Variants in ITGB6 observed in about 807,000 individuals in gnomAD.
The protein encoded by ITGB6 is integrin subunit beta 6.
In ITGB6, 80 loss-of-function variants were observed where a neutral mutation model predicts 84.5. The observed-to-expected ratio is 0.95, with a 90% CI of 0.79 to 1.14. ITGB6 has a LOEUF of 1.14. Ranked by LOEUF, ITGB6 falls within the 50% of genes most tolerant of loss-of-function variation. The probability of loss-of-function intolerance (pLI) is 0.00; values close to 1 mark genes in which losing one functional copy is unlikely to be tolerated. For synonymous variants in ITGB6, 383 were observed against 354.9 expected (o/e 1.08, Z -0.89); for missense variants, 1,006 against 968.0 (o/e 1.04, Z -0.52).
intron 12 of ITGB6, 149 bp from the exon 13 acceptor site, chr2:160,112,348 A>C (rs1181821958): frequency 2.5e-5 from 18 of 730,288 alleles, no homozygotes; most frequent in Non-Finnish European, 3.3e-5. Flanking sequence ...TTTTTTTCTC[A>C]TGAAGTGAGG....
intron 12 of ITGB6, among the ~76,000 whole-genome samples, chr2:160,119,928 A>G (rs1040255192): frequency 2.0e-5 from 3 of 152,222 alleles, no homozygotes; most frequent in Non-Finnish European, 1.5e-5. Context: ...GCTCATCATC[A>G]CGGGCCATCA....
At chr2:160,149,951 AG>A (rs1684346353) in intron 7 of ITGB6, among the ~76,000 whole-genome samples, 1 of 152,222 alleles carries the variant, frequency 6.6e-6, no homozygotes, top group South Asian at 2.1e-4. Flanking sequence ...GAAATAGGGA[AG>A]TATGTGAAAA....
chr2:160,178,028 C>G (rs570957423), intron 4 of ITGB6, among the ~76,000 whole-genome samples: 1 of 152,242 alleles, frequency 6.6e-6, no homozygotes, highest in African/African-American at 2.4e-5. Flanking sequence ...GCTCACGCCA[C>G]CATGCCCAGC....
intron 14 of ITGB6, among the ~76,000 whole-genome samples, chr2:160,104,094 C>A (rs1696817031): frequency 6.6e-6 from 1 of 152,098 alleles, no homozygotes; most frequent in South Asian, 2.1e-4. Context: ...TTCAGGTTTG[C>A]AATATTTTGG....
chr2:160,161,778 A>C (rs1199634555), intron 7 of ITGB6, among the ~76,000 whole-genome samples: 1 of 152,162 alleles, frequency 6.6e-6, no homozygotes, highest in African/African-American at 2.4e-5. Flanking sequence ...TCATACTTCC[A>C]CACTACATTA....
intron 7 of ITGB6, among the ~76,000 whole-genome samples, chr2:160,150,384 A>C (rs1432573679): frequency 6.6e-6 from 1 of 152,190 alleles, no homozygotes; most frequent in Non-Finnish European, 1.5e-5. Flanking sequence ...GAGAAATAAA[A>C]TCCTTTACAG....
At chr2:160,121,930 G>T (rs1235459128) in intron 12 of ITGB6, among the ~76,000 whole-genome samples, 2 of 150,304 alleles carry the variant, frequency 1.3e-5, no homozygotes, top group East Asian at 3.9e-4. Flanking sequence ...CTCCCCAGGA[G>T]TAAAATAAAA....
At chr2:160,151,706 T>A (rs1684423141) in intron 7 of ITGB6, among the ~76,000 whole-genome samples, 1 of 151,772 alleles carries the variant, frequency 6.6e-6, no homozygotes, top group South Asian at 2.1e-4. Flanking sequence ...CTAGCAAGAC[T>A]AATAAAGAAG....
chr2:160,178,446 T>C (rs1685525736), intron 4 of ITGB6, among the ~76,000 whole-genome samples: 1 of 152,228 alleles, frequency 6.6e-6, no homozygotes, highest in African/African-American at 2.4e-5. Context: ...CTATTTTTTG[T>C]GAGAGATTTG....
At chr2:160,183,252 G>A (rs924372506) in intron 4 of ITGB6, among the ~76,000 whole-genome samples, 3 of 152,110 alleles carry the variant, frequency 2.0e-5, no homozygotes, top group South Asian at 2.1e-4. Context: ...CACATGTCAC[G>A]TACAAAGACA....
intron 8 of ITGB6, among the ~76,000 whole-genome samples, chr2:160,140,642 T>C (rs1249746219): frequency 5.3e-5 from 8 of 152,328 alleles, no homozygotes; most frequent in South Asian, 4.1e-4. Context: ...TAGCGTTTTG[T>C]TGATGAGCAT....
At chr2:160,135,708 A>T (rs1400824430) in intron 10 of ITGB6, among the ~76,000 whole-genome samples, 3 of 151,854 alleles carry the variant, frequency 2.0e-5, no homozygotes, top group Non-Finnish European at 4.4e-5. Flanking sequence ...AAACAGAGAT[A>T]TAGACCAATG....
At chr2:160,113,225 T>A (rs1278000769) in intron 12 of ITGB6, among the ~76,000 whole-genome samples, 1 of 152,228 alleles carries the variant, frequency 6.6e-6, no homozygotes, top group Non-Finnish European at 1.5e-5. Context: ...CCTACTAGAC[T>A]TATAACCTCT....
intron 13 of ITGB6, among the ~76,000 whole-genome samples, chr2:160,110,819 G>C (rs1434199606): frequency 6.6e-6 from 1 of 152,148 alleles, no homozygotes; most frequent in Non-Finnish European, 1.5e-5. Context: ...AGGGACCATG[G>C]ACCTCTGGGG....
chr2:160,107,616 C>T, intron 14 of ITGB6, 63 bp downstream of exon 14: 1 of 1,489,798 alleles, frequency 6.7e-7, no homozygotes, highest in Non-Finnish European at 9.3e-7. Flanking sequence ...AGCTGAGCCC[C>T]TCAATCTCTT....
intron 12 of ITGB6, among the ~76,000 whole-genome samples, chr2:160,114,369 T>C (rs1404703392): frequency 1.3e-5 from 2 of 152,228 alleles, no homozygotes; most frequent in African/African-American, 4.8e-5. Context: ...CCTTTGTGAA[T>C]GTCTACAGTG....
chr2:160,111,374 T>C (rs942210255), intron 13 of ITGB6, among the ~76,000 whole-genome samples: 1 of 152,164 alleles, frequency 6.6e-6, no homozygotes, highest in Non-Finnish European at 1.5e-5. Context: ...TTTTTGGTAT[T>C]ATAAAGTAAT....
chr2:160,159,463 A>G (rs1422643078), intron 7 of ITGB6, among the ~76,000 whole-genome samples: 1 of 152,200 alleles, frequency 6.6e-6, no homozygotes, highest in African/African-American at 2.4e-5. Flanking sequence ...TCAGCCTGTC[A>G]TATACCTGTG....
intron 4 of ITGB6, among the ~76,000 whole-genome samples, chr2:160,194,354 T>C (rs145173175): frequency 7.2e-5 from 11 of 152,236 alleles, no homozygotes; most frequent in African/African-American, 2.6e-4. Context: ...ATAAAAGCTG[T>C]TTATCTTTTA....
Sources: allele counts gnomAD v4.1 joint callset (sites outside exome capture counted in the v4.1 genomes callset), GRCh38; gene constraint gnomAD v4.1.1; transcripts MANE v1.5; gene names NCBI Gene and HGNC (gene_info 2026-07-23, HGNC 2026-07-21).